APCDD1: variants seen among roughly 807,000 people sequenced by gnomAD.
APCDD1 encodes the protein APC down-regulated 1, also known as protein APCDD1.
Under a neutral mutation model 38.1 loss-of-function variants are expected in APCDD1, and 15 were observed. That is an observed-to-expected ratio of 0.39 (90% CI 0.26 to 0.61). The LOEUF is 0.61. Among genes scored for constraint, APCDD1 ranks in the 20% least tolerant of loss-of-function variants. The pLI is 0.49. For missense variants in APCDD1, 647 were observed against 696.2 expected (o/e 0.93, Z 0.79); for synonymous variants, 261 against 279.7 (o/e 0.93, Z 0.67).
chr18:10,465,461 A>C (rs2030685403), intron 1 of APCDD1, among the ~76,000 whole-genome samples: 1 of 152,272 alleles, frequency 6.6e-6, no homozygotes, highest in Non-Finnish European at 1.5e-5. Flanking sequence ...AGTGAAAATC[A>C]GACAGATCTT....
At chr18:10,473,930 T>G (rs1213207341) in intron 3 of APCDD1, among the ~76,000 whole-genome samples, 1 of 151,350 alleles carries the variant, frequency 6.6e-6, no homozygotes, top group Non-Finnish European at 1.5e-5. Flanking sequence ...CTGGGATTTT[T>G]TTTTTTTTTT....
intron 1 of APCDD1, among the ~76,000 whole-genome samples, chr18:10,463,148 A>G (rs2030615057): frequency 6.6e-6 from 1 of 151,468 alleles, no homozygotes; most frequent in Non-Finnish European, 1.5e-5. Flanking sequence ...CCTGCCCCCC[A>G]TGCTTGAGTG....
At position 10,471,187 on chromosome 18, in the gene APCDD1, C is replaced by T. The variant is rs1326844815; in HGVS notation, c.243-343C>T. Among the ~76,000 whole-genome samples, 1 of 152,246 alleles carries T rather than the reference C, an allele frequency of 6.6e-6. No individual in the cohort carries two copies. The highest frequency in any genetic ancestry group is 1.5e-5 in the Non-Finnish European group (1 of 68,044). ...CAGGTGTTTGCCCTCCTGGCCTGCT[C>T]GTGAAGCGAGTGGAAGGCTGGCTGA... On this transcript the variant is annotated intron_variant, in intron 2 of 4. Transcript: ENST00000355285. This position sits in a 1 kb window ranked among gnomAD's most constrained non-coding sequence, Gnocchi z 5.5.
chr18:10,459,729 A>C (rs1598394231), intron 1 of APCDD1, among the ~76,000 whole-genome samples: 1 of 152,238 alleles, frequency 6.6e-6, no homozygotes, highest in Non-Finnish European at 1.5e-5. Flanking sequence ...GAGTTTATCT[A>C]CCAGCACCCA....
At chr18:10,478,893 C>T (rs2031070441) in intron 3 of APCDD1, among the ~76,000 whole-genome samples, 1 of 152,164 alleles carries the variant, frequency 6.6e-6, no homozygotes, top group African/African-American at 2.4e-5. Flanking sequence ...GAAAAGCACC[C>T]CGAGTTCCCT....
chr18:10,458,285 T>C (rs1440771936), intron 1 of APCDD1, among the ~76,000 whole-genome samples: 1 of 152,240 alleles, frequency 6.6e-6, no homozygotes, highest in Non-Finnish European at 1.5e-5. Flanking sequence ...AGGTGAAGGC[T>C]CTTTCAGCTC....
At position 10,472,127 on chromosome 18, in the gene APCDD1, C is replaced by T. The variant is rs2030876370; in HGVS notation, c.774+66C>T. ...TGGGTGATCCTTCTTAAAGGCTTGCCATGGGGGCTCTAGGGCACCCTTGAA... is the reference window on the plus strand; with the variant it reads ...TGGGTGATCCTTCTTAAAGGCTTGCTATGGGGGCTCTAGGGCACCCTTGAA... On this transcript the variant is annotated intron_variant, in intron 3 of 4. Coordinates refer to ENST00000355285, the MANE Select transcript of APCDD1 (RefSeq NM_153000.5). The surrounding 1 kb of genome is among the most constrained non-coding windows in gnomAD (Gnocchi z 6.6). 3 of 1,604,906 alleles carry T rather than the reference C, an allele frequency of 1.9e-6. No individual in the cohort carries two copies. Among genetic ancestry groups the T allele is most frequent in the Admixed American group, 1.7e-5 (1 of 60,000 alleles).
rs775194505 is a variant in APCDD1 at position 10,471,061 on chromosome 18, C to T, written c.243-469C>T. 6.6e-6 allele frequency among the ~76,000 whole-genome samples: 1 copy of T among 152,234 alleles called. No individual in the cohort carries two copies. The highest frequency in any genetic ancestry group is 1.9e-4 in the East Asian group (1 of 5,194). On this transcript the variant is annotated intron_variant, in intron 2 of 4. Coordinates refer to ENST00000355285, the MANE Select transcript of APCDD1 (RefSeq NM_153000.5). This position sits in a 1 kb window ranked among gnomAD's most constrained non-coding sequence, Gnocchi z 5.5. ...ACAAGGTCCATAAAATAAAAGTGTT[C>T]AGGAAGTCGACCGTTTTTGAACTAG...
At chr18:10,463,735 A>G (rs1037080525) in intron 1 of APCDD1, among the ~76,000 whole-genome samples, 7 of 152,216 alleles carry the variant, frequency 4.6e-5, no homozygotes, top group African/African-American at 1.4e-4. Context: ...CCTTACTGCA[A>G]CTTCTTTCAC....
chr18:10,468,593 T>C lies in APCDD1; in HGVS notation c.183T>C (p.Asn61=), dbSNP rs1341411744. ...QCHHMLKHLH[N]GARITVQMPP... ...ATCACATGCTCAAACATCTCCACAATGGTGCAAGGATCACAGTGCAGATGC... is the reference window on the plus strand; with the variant it reads ...ATCACATGCTCAAACATCTCCACAACGGTGCAAGGATCACAGTGCAGATGC... Residue 61 remains asparagine, a synonymous_variant, in exon 2 of 5, where the codon AAT becomes AAC. Transcript: ENST00000355285. The C allele has an allele frequency of 2.5e-6, 4 of 1,613,988 alleles. No individual in the cohort carries two copies. The highest frequency in any genetic ancestry group is 3.4e-6 in the Non-Finnish European group (4 of 1,180,054).
At chr18:10,461,912 T>TTTATCTTG (rs2030552312) in intron 1 of APCDD1, among the ~76,000 whole-genome samples, 1 of 152,196 alleles carries the variant, frequency 6.6e-6, no homozygotes, top group Non-Finnish European at 1.5e-5. Context: ...CTAACTCTTG[T>TTTATCTTG]TTTATCTGTA....
At chr18:10,483,898 C>T (rs548792845) in intron 3 of APCDD1, among the ~76,000 whole-genome samples, 1 of 152,326 alleles carries the variant, frequency 6.6e-6, no homozygotes, top group South Asian at 2.1e-4. Context: ...AGGAGAATAG[C>T]GGAGGGATGA....
chr18:10,456,517 A>G (rs2030386124), intron 1 of APCDD1, among the ~76,000 whole-genome samples: 1 of 152,238 alleles, frequency 6.6e-6, no homozygotes. Context: ...TGGTCAAATG[A>G]TTTTAAAATT....
chr18:10,473,239 G>T (rs559105729), intron 3 of APCDD1, among the ~76,000 whole-genome samples: 160 of 152,264 alleles, frequency 1.1e-3, no homozygotes, highest in African/African-American at 3.7e-3. Context: ...CTTGTGCAAT[G>T]CAAGTGGCTC....
chr18:10,487,930 C>T lies in APCDD1; in HGVS notation c.1437C>T (p.Asp479=). 1 of 1,613,394 alleles carries T rather than the reference C, an allele frequency of 6.2e-7. No individual in the cohort carries two copies. Among genetic ancestry groups the T allele is most frequent in the Non-Finnish European group, 8.5e-7 (1 of 1,179,788 alleles). ...CGAGGGCAGAGGACCTCGCAGAAGA[C>T]AGTGGAAGCAGCCTGTATGGCCGGG... The part of the protein sequence containing the change: ...SSPRAEDLAE[D]SGSSLYGRAP... Residue 479 remains aspartate, a synonymous_variant, in exon 5 of 5, where the codon GAC becomes GAT. Coordinates refer to ENST00000355285, the MANE Select transcript of APCDD1 (RefSeq NM_153000.5).
intron 1 of APCDD1, among the ~76,000 whole-genome samples, chr18:10,463,546 T>C (rs1021149747): frequency 1.3e-5 from 2 of 152,224 alleles, no homozygotes; most frequent in African/African-American, 4.8e-5. Context: ...GTCTAACTTT[T>C]ATGCTTGGCC....
intron 4 of APCDD1, among the ~76,000 whole-genome samples, chr18:10,487,381 G>A (rs1228753771): frequency 1.3e-5 from 2 of 152,190 alleles, no homozygotes; most frequent in East Asian, 1.9e-4. Flanking sequence ...GCATATCGGT[G>A]TGACTGCCAC....
At chr18:10,458,119 GGTA>G (rs1208433364) in intron 1 of APCDD1, among the ~76,000 whole-genome samples, 5 of 152,162 alleles carry the variant, frequency 3.3e-5, no homozygotes, top group African/African-American at 4.8e-5. Flanking sequence ...ATTAGCATGA[GGTA>G]TCCAGAATAA....
Position 10,454,655 on chromosome 18 carries a change from G to C in APCDD1, c.-327G>C, listed in dbSNP as rs1176558472. On this transcript the variant is annotated 5_prime_UTR_variant, in exon 1 of 5. Coordinates refer to ENST00000355285, the MANE Select transcript of APCDD1 (RefSeq NM_153000.5). ...AATATGAAGAGACGCTGCAGCTGCG[G>C]TGGCGGTGGCGGCCACTGCAGCTCA... is the stretch of plus-strand genomic sequence containing the variant. 11 of 1,036,774 alleles carry C rather than the reference G, an allele frequency of 1.1e-5. No homozygotes were observed. The highest frequency in any genetic ancestry group is 1.3e-5 in the Non-Finnish European group (11 of 864,680). 64.2% of individuals were successfully genotyped at this position (1,036,774 alleles called of 1,614,324 possible). A position where few individuals can be genotyped will look rare whatever the true frequency, so the allele number is the denominator to read the frequency against.
Sources: gnomAD v4.1 joint callset for allele counts (sites outside exome capture counted in the v4.1 genomes callset) on GRCh38, gnomAD v4.1.1 for gene constraint, Gnocchi (gnomAD v3.1) non-coding constraint, MANE v1.5 for transcripts, NCBI Gene and HGNC (gene_info 2026-07-23, HGNC 2026-07-21) for gene names.